Variants in MAN2A1 observed in about 807,000 individuals in gnomAD.
MAN2A1 encodes the protein alpha-mannosidase 2.
A neutral mutation model predicts 142.6 loss-of-function variants in MAN2A1; 76 were observed. The ratio of observed to expected loss-of-function variants is 0.53; its 90% confidence interval spans 0.44 to 0.65. The LOEUF (loss-of-function observed/expected upper bound fraction) is 0.65, where lower values mean the gene tolerates loss of function less well. Among genes scored for constraint, MAN2A1 ranks in the 30% least tolerant of loss-of-function variants. The pLI is 0.00. For missense variants in MAN2A1, 1,311 were observed against 1,365.1 expected (o/e 0.96, Z 0.62); for synonymous variants, 559 against 473.2 (o/e 1.18, Z -2.35).
intron 4 of MAN2A1, among the ~76,000 whole-genome samples, chr5:109,735,132 T>A (rs1213864066): frequency 6.6e-6 from 1 of 152,182 alleles, no homozygotes; most frequent in Non-Finnish European, 1.5e-5. Context: ...AGTAATGGCC[T>A]TCTTTGTCTC....
At chr5:109,814,416 T>G (rs1231357236) in intron 12 of MAN2A1, among the ~76,000 whole-genome samples, 1 of 152,160 alleles carries the variant, frequency 6.6e-6, no homozygotes, top group Non-Finnish European at 1.5e-5. Flanking sequence ...AAAGGAAATA[T>G]CTATATATGA....
rs75503316 is a variant in MAN2A1, at chr5:109,837,715, C to T, written c.2567-4613C>T. Among the ~76,000 whole-genome samples, 768 of 152,274 alleles carry T rather than the reference C, an allele frequency of 5.0e-3. 7 individuals are homozygous for T. Among genetic ancestry groups the T allele is most frequent in the African/African-American group, 0.017 (722 of 41,548 alleles). On this transcript the variant is annotated intron_variant, in intron 16 of 21. Transcript: ENST00000261483. ...CGTTTACCACCCTTCACTCAGTATA[C>T]GTTTATTGTACATGTCTACGTGCTG...
chr5:109,812,598 T>C (rs1754348715), intron 12 of MAN2A1, among the ~76,000 whole-genome samples: 1 of 151,140 alleles, frequency 6.6e-6, no homozygotes, highest in Non-Finnish European at 1.5e-5. Flanking sequence ...TTGAAATGAT[T>C]TTTTTAATAT....
chr5:109,734,211 C>T (rs1289213825), intron 4 of MAN2A1, among the ~76,000 whole-genome samples: 2 of 149,802 alleles, frequency 1.3e-5, no homozygotes, highest in Non-Finnish European at 3.0e-5. Context: ...TGGTGATATC[C>T]CCTTTATCAT....
Position 109,791,188 on chromosome 5 carries a change from T to C in MAN2A1, c.1943+1661T>C, listed in dbSNP as rs191242747. 5.3e-5 allele frequency among the ~76,000 whole-genome samples: 8 copies of C among 152,192 alleles called. No individual in the cohort carries two copies. The South Asian group carries it at 6.2e-4, about 12-fold the overall frequency. On this transcript the variant is annotated intron_variant, in intron 12 of 21. Transcript: ENST00000261483. ...TATTACTTCTTTACAGTTCTTTTTT[T>C]ATCAAATATTGACTTCCTATTTCTG...
At chr5:109,731,554 TC>T (rs1427529999) in intron 4 of MAN2A1, among the ~76,000 whole-genome samples, 1 of 128,674 alleles carries the variant, frequency 7.8e-6, no homozygotes, top group Non-Finnish European at 1.6e-5. Context: ...ATGTTCCCCT[TC>T]CTGTGTCCAT....
chr5:109,816,892 G>C (rs1477891128), intron 12 of MAN2A1, among the ~76,000 whole-genome samples: 1 of 152,086 alleles, frequency 6.6e-6, no homozygotes, highest in Non-Finnish European at 1.5e-5. Context: ...TGTGATATTT[G>C]TTGTGATGAA....
chr5:109,740,042 A>G (rs1752222610), intron 4 of MAN2A1, among the ~76,000 whole-genome samples: 1 of 152,122 alleles, frequency 6.6e-6, no homozygotes, highest in African/African-American at 2.4e-5. Context: ...CTGCAGCATG[A>G]TTTCTCATTT....
intron 13 of MAN2A1, 137 bp downstream of exon 13, chr5:109,817,575 GT>G: frequency 1.3e-6 from 1 of 752,370 alleles, no homozygotes; most frequent in Non-Finnish European, 2.1e-6. Context: ...ATACCAGAGA[GT>G]TTAACTGGTG....
chr5:109,762,335 C>G (rs935608509), intron 5 of MAN2A1, among the ~76,000 whole-genome samples: 3 of 152,170 alleles, frequency 2.0e-5, no homozygotes, highest in African/African-American at 7.2e-5. Flanking sequence ...TTTCTTCATA[C>G]TACCTTATCT....
At chr5:109,827,336 A>G (rs1754784102) in intron 16 of MAN2A1, among the ~76,000 whole-genome samples, 1 of 152,232 alleles carries the variant, frequency 6.6e-6, no homozygotes, top group South Asian at 2.1e-4. Context: ...TACAAATCCA[A>G]TTTAAAAACT....
intron 1 of MAN2A1, among the ~76,000 whole-genome samples, chr5:109,710,259 C>T (rs1751259495): frequency 6.6e-6 from 1 of 152,020 alleles, no homozygotes; most frequent in Admixed American, 6.6e-5. Context: ...TGAACTAACT[C>T]CTCTAGCTAA....
chr5:109,819,553 C>A, intron 13 of MAN2A1, 116 bp from the exon 14 acceptor site: 1 of 566,044 alleles, frequency 1.8e-6, no homozygotes, highest in Non-Finnish European at 3.0e-6. Context: ...GGAGGGCCAA[C>A]TGGATTCTCT....
At chr5:109,724,470 T>C (rs1215247719) in intron 3 of MAN2A1, among the ~76,000 whole-genome samples, 3 of 152,168 alleles carry the variant, frequency 2.0e-5, no homozygotes, top group African/African-American at 7.2e-5. Context: ...TATTTCTGTT[T>C]TTAATGAACT....
chr5:109,847,404 AATTTCTTATCAG>A (rs1175946462), intron 18 of MAN2A1, among the ~76,000 whole-genome samples: 1 of 152,194 alleles, frequency 6.6e-6, no homozygotes, highest in African/African-American at 2.4e-5. Context: ...CTCACTTTTA[AATTTCTTATCAG>A]ATATTGTGAA....
chr5:109,791,283 A>G (rs562664451), intron 12 of MAN2A1, among the ~76,000 whole-genome samples: 5 of 151,990 alleles, frequency 3.3e-5, no homozygotes, highest in African/African-American at 1.2e-4. Context: ...TATCCATTTT[A>G]TAGGTTAGGG....
At chr5:109,780,118 C>T (rs1290145050) in intron 8 of MAN2A1, among the ~76,000 whole-genome samples, 1 of 152,032 alleles carries the variant, frequency 6.6e-6, no homozygotes, top group Non-Finnish European at 1.5e-5. Flanking sequence ...AATGCAGTGG[C>T]GTGATCTCTG....
chr5:109,767,210 C>T (rs554559142), intron 5 of MAN2A1, among the ~76,000 whole-genome samples: 18 of 152,256 alleles, frequency 1.2e-4, no homozygotes, highest in African/African-American at 4.3e-4. Context: ...AGGAAGGGCC[C>T]TGGTCCTGTT....
At chr5:109,794,832 G>A (rs1244773084) in intron 12 of MAN2A1, among the ~76,000 whole-genome samples, 2 of 151,890 alleles carry the variant, frequency 1.3e-5, no homozygotes, top group East Asian at 3.9e-4. Flanking sequence ...GCTTGTAAAA[G>A]GTATTTGTAT....
Sources: allele counts gnomAD v4.1 joint callset (sites outside exome capture counted in the v4.1 genomes callset), GRCh38; gene constraint gnomAD v4.1.1; transcripts MANE v1.5; gene names NCBI Gene and HGNC (gene_info 2026-07-23, HGNC 2026-07-21).